The following ZNF668 variants were observed in gnomAD, a reference collection of about 807,000 sequenced individuals.
ZNF668 encodes the protein zinc finger protein 668.
Under a neutral mutation model 40.3 loss-of-function variants are expected in ZNF668, and 10 were observed. That is an observed-to-expected ratio of 0.25 (90% confidence interval 0.15 to 0.42). The LOEUF is 0.42. Among genes scored for constraint, ZNF668 ranks in the 10% least tolerant of loss-of-function variants. The probability of loss-of-function intolerance (pLI) is 1.00; values close to 1 mark genes in which losing one functional copy is unlikely to be tolerated. For synonymous variants in ZNF668, 428 were observed against 384.6 expected, an observed-to-expected ratio of 1.11 and a Z score of -1.32; for missense variants, 749 against 904.6, an observed-to-expected ratio of 0.83 and a Z score of 2.21.
In ZNF668 at chr16:31,061,385, G is replaced by C. The variant is rs77284397; in HGVS notation, c.1543C>G (p.Gln515Glu). ...TCCTTGCACTCTCGGCACACAAACT[G>C]GGGGGGCTTCTCGTCAGCCTCCTCA... ...GGEEADEKPPQFVCRECKETF... is the reference protein window; with the variant it reads ...GGEEADEKPPEFVCRECKETF... The change falls in exon 3 of 3, where the codon CAG (glutamine) becomes GAG (glutamate). Residue 515 changes from glutamine (Q) to glutamate (E), a missense_variant. By Grantham distance (29) the Gln-to-Glu change is conservative (BLOSUM62 2). Coordinates refer to ENST00000300849, the MANE Select transcript of ZNF668 (RefSeq NM_024706.5). This position sits in a 1 kb window ranked among gnomAD's most constrained non-coding sequence, Gnocchi z 7.7. 2 of 1,613,492 alleles carry C rather than the reference G, an allele frequency of 1.2e-6. No individual in the cohort carries two copies. The highest frequency in any genetic ancestry group is 1.1e-5 in the South Asian group (1 of 91,058).
chr16:31,063,857 G>A lies in ZNF668; in HGVS notation c.603C>T (p.Cys201=). The change falls in exon 2 of 3, where the codon TGC becomes TGT. Residue 201 remains cysteine, a synonymous_variant. Transcript: ENST00000300849. ...CCTTGAGCTCCGCATAGGCTTTGCCGCAACGCTCACAGCTGTAGGGCCGCA... is the reference window on the plus strand; with the variant it reads ...CCTTGAGCTCCGCATAGGCTTTGCCACAACGCTCACAGCTGTAGGGCCGCA... ...AGLRPYSCER[C]GKAYAELKDL... 5 of 1,590,844 alleles carry A rather than the reference G, an allele frequency of 3.1e-6. No individual in the cohort carries two copies. The highest frequency in any genetic ancestry group is 1.7e-5 in the Admixed American group (1 of 57,636).
chr16:31,068,246 A>T (rs1567401596), intron 1 of ZNF668, among the ~76,000 whole-genome samples: 1 of 83,458 alleles, frequency 1.2e-5, no homozygotes, highest in East Asian at 2.4e-4. Context: ...AAAAATATAT[A>T]TATATATATA....
chr16:31,072,283 G>C (rs2057020310), intron 1 of ZNF668, among the ~76,000 whole-genome samples: 1 of 152,206 alleles, frequency 6.6e-6, no homozygotes, highest in Non-Finnish European at 1.5e-5. Flanking sequence ...CAAATGGAAA[G>C]AACCAACCTC....
chr16:31,064,889 C>G, intron 1 of ZNF668: 1 of 1,412,892 alleles, frequency 7.1e-7, no homozygotes, highest in Non-Finnish European at 9.2e-7. Flanking sequence ...CTCCAAGCGC[C>G]CAGAAAAGAC....
intron 1 of ZNF668, among the ~76,000 whole-genome samples, chr16:31,068,600 C>A (rs2056995911): frequency 6.6e-6 from 1 of 150,506 alleles, no homozygotes; most frequent in South Asian, 2.1e-4. Context: ...ATCATTCCAG[C>A]CAATACTTTT....
intron 2 of ZNF668, among the ~76,000 whole-genome samples, 197 bp downstream of exon 2, chr16:31,063,616 C>T (rs2056953453): frequency 6.6e-6 from 1 of 152,200 alleles, no homozygotes. Context: ...TCTCAGAGAT[C>T]AACCTCAAGG....
chr16:31,067,793 T>A (rs2056988592), intron 1 of ZNF668, among the ~76,000 whole-genome samples: 1 of 152,176 alleles, frequency 6.6e-6, no homozygotes, highest in Non-Finnish European at 1.5e-5. Context: ...CAGCTGGGAC[T>A]TCAGTCCAGG....
At position 31,064,286 on chromosome 16, in the gene ZNF668, T is replaced by A. The variant is rs772187345; in HGVS notation, c.174A>T (p.Pro58=). 6.2e-7 allele frequency: 1 copy of A among 1,613,886 alleles called. No individual in the cohort carries two copies. The highest frequency in any genetic ancestry group is 1.1e-5 in the South Asian group (1 of 91,092). The change falls in exon 2 of 3, where the codon CCA becomes CCT. Residue 58 remains proline (P), a synonymous_variant. Coordinates refer to ENST00000300849, the MANE Select transcript of ZNF668 (RefSeq NM_024706.5). ...DCSEEVAEVK[P]KPETEAKAEE... ...CTGCCTTAGCTTCTGTCTCTGGCTT[T>A]GGCTTCACCTCGGCCACCTCTTCAG...
chr16:31,064,532 A>C, intron 1 of ZNF668, 51 bp from the exon 2 acceptor site: 1 of 1,598,340 alleles, frequency 6.3e-7, no homozygotes, highest in Non-Finnish European at 8.5e-7. Context: ...GCCACTCCTG[A>C]AAGCCTCAGA....
Position 31,064,294 on chromosome 16 carries a change from C to T in ZNF668, c.166G>A (p.Val56Met). 1 of 1,613,848 alleles carries T rather than the reference C, an allele frequency of 6.2e-7. No individual in the cohort carries two copies. Among genetic ancestry groups the T allele is most frequent in the Non-Finnish European group, 8.5e-7 (1 of 1,180,032 alleles). ...GCTTCTGTCTCTGGCTTTGGCTTCA[C>T]CTCGGCCACCTCTTCAGAGCAGTCT... ...PADCSEEVAE[V>M]KPKPETEAKA... The change falls in exon 2 of 3, where the codon GTG becomes ATG. Residue 56 changes from valine to methionine, a missense_variant. Val to Met is a conservative substitution (Grantham distance 21). Around this residue, in one of 4 missense-constraint regions of ZNF668, gnomAD observed 159 missense variants for 139.8 expected, o/e 1.14. Transcript: ENST00000300849.
chr16:31,069,268 T>TACACACACACACACACAC (rs55722354), intron 1 of ZNF668: 38 of 141,784 alleles, frequency 2.7e-4, no homozygotes, highest in Admixed American at 7.1e-4. Flanking sequence ...CTACTAAAAA[T>TACACACACACACACACAC]ACACACACAC....
At chr16:31,069,770 ATT>A (rs57798819) in intron 1 of ZNF668, among the ~76,000 whole-genome samples, 366 of 84,516 alleles carry the variant, frequency 4.3e-3, no homozygotes, top group African/African-American at 5.4e-3. Context: ...ACGCCCGGCT[ATT>A]TTTTTTTTTT....
In ZNF668 at chr16:31,062,025, G is replaced by A. The variant is rs889321244; in HGVS notation, c.903C>T (p.Ala301=). 2.5e-6 allele frequency: 4 copies of A among 1,613,670 alleles called. No individual in the cohort carries two copies. In the African/African-American group the frequency reaches 5.3e-5, roughly 22 times the overall value. Residue 301 remains alanine, a synonymous_variant, in exon 3 of 3, where the codon GCC becomes GCT. Coordinates refer to ENST00000300849, the MANE Select transcript of ZNF668 (RefSeq NM_024706.5). The stretch of plus-strand genomic sequence containing the variant: ...AGTGGTATGGCTTCACCCCTTCATG[G>A]GCGCGCTGGTGGCGACGGAAGCTCG... The part of the protein sequence containing the change: ...DPSSFRRHQR[A]HEGVKPYHCE...
rs369553277 is a variant in ZNF668, at chr16:31,061,596, G to T, written c.1332C>A (p.Ala444=). 76 of 1,609,224 alleles carry T rather than the reference G, an allele frequency of 4.7e-5. No homozygotes were observed. The highest frequency in any genetic ancestry group is 6.4e-5 in the Non-Finnish European group (75 of 1,179,772). The change falls in exon 3 of 3, where the codon GCC becomes GCA. Residue 444 remains alanine, a synonymous_variant. Coordinates refer to ENST00000300849, the MANE Select transcript of ZNF668 (RefSeq NM_024706.5). The surrounding 1 kb of genome is among the most constrained non-coding windows in gnomAD (Gnocchi z 7.7). ...LPVGVAGESS[A]APAAGAGLGD... The stretch of plus-strand genomic sequence containing the variant: ...CCAGCCCCGCCCCTGCTGCCGGGGC[G>T]GCTGAACTCTCACCTGCCACGCCCA...
Position 31,064,244 on chromosome 16 carries a change from C to T in ZNF668, c.216G>A (p.Glu72=), listed in dbSNP as rs746636272. 1 of 1,613,614 alleles carries T rather than the reference C, an allele frequency of 6.2e-7. No homozygotes were observed. The change falls in exon 2 of 3, where the codon GAG becomes GAA. Residue 72 remains glutamate, a synonymous_variant. Transcript: ENST00000300849. The part of the protein sequence containing the change: ...TEAKAEEASG[E]KVSGSAAKPR... ...GCTTGGCCGCGGAGCCTGACACCTT[C>T]TCCCCACTGGCTTCCTCTGCCTTAG...
intron 1 of ZNF668, among the ~76,000 whole-genome samples, chr16:31,072,200 C>T (rs1190896151): frequency 6.6e-6 from 1 of 152,192 alleles, no homozygotes. Context: ...GCACCAGAGT[C>T]CAGGCTGGCA....
rs765000651 is a variant in ZNF668, at chr16:31,061,115, C to T, written c.1813G>A (p.Glu605Lys). The change falls in exon 3 of 3, where the codon GAG becomes AAG. Residue 605 changes from glutamate (E) to lysine (K), a missense_variant. Coordinates refer to ENST00000300849, the MANE Select transcript of ZNF668 (RefSeq NM_024706.5). The surrounding 1 kb of genome is among the most constrained non-coding windows in gnomAD (Gnocchi z 7.7). ...ATTCCTAGCAAAGCCACCAGGGGCT[C>T]CAGGGGTGTGGGGGTCCCCATGGGC... is the stretch of plus-strand genomic sequence containing the variant. ...PVPMGTPTPL[E>K]PLVALLGMPE... 4.0e-6 allele frequency: 6 copies of T among 1,509,220 alleles called. No homozygotes were observed. Among genetic ancestry groups the T allele is most frequent in the Non-Finnish European group, 4.4e-6 (5 of 1,131,456 alleles). The allele number at this position is 1,509,220 out of a possible 1,614,324, so 93.5% of individuals were successfully genotyped here.
intron 1 of ZNF668, chr16:31,068,827 C>T (rs2143774616): frequency 6.6e-6 from 1 of 151,726 alleles, no homozygotes; most frequent in Admixed American, 6.6e-5. Flanking sequence ...CTGGGCTGGT[C>T]TAGAACTCCT....
At position 31,064,395 on chromosome 16, in the gene ZNF668, T is replaced by C; in HGVS notation, c.65A>G (p.Tyr22Cys). 1.2e-6 allele frequency: 2 copies of C among 1,613,680 alleles called. No individual in the cohort carries two copies. The highest frequency in any genetic ancestry group is 1.7e-6 in the Non-Finnish European group (2 of 1,179,994). The change falls in exon 2 of 3, where the codon TAC (tyrosine) becomes TGC (cysteine). Residue 22 changes from tyrosine to cysteine, a missense_variant. Physicochemically the swap from Tyr to Cys is radical, Grantham distance 194. Coordinates refer to ENST00000300849, the MANE Select transcript of ZNF668 (RefSeq NM_024706.5). ...APGYKRSGRRYKCLSCTKTFP... is the reference protein window; with the variant it reads ...APGYKRSGRRCKCLSCTKTFP... ...TGTCTTGGTACAGGACAGGCACTTG[T>C]AGCGGCGGCCCGAGCGCTTGTAGCC...
Sources: gnomAD v4.1 joint callset for allele counts (sites outside exome capture counted in the v4.1 genomes callset) on GRCh38, gnomAD v4.1.1 for gene constraint, gnomAD v4.1.1 regional missense constraint, Gnocchi (gnomAD v3.1) non-coding constraint, MANE v1.5 for transcripts, NCBI Gene and HGNC (gene_info 2026-07-23, HGNC 2026-07-21) for gene names.